The following EIPR1 variants were observed in gnomAD, a reference collection of about 807,000 sequenced individuals.
EIPR1 encodes EARP and GARP complex-interacting protein 1.
Under a neutral mutation model 48.1 loss-of-function variants are expected in EIPR1, and 25 were observed. That is an observed-to-expected ratio of 0.52 (90% CI 0.38 to 0.73). The LOEUF (loss-of-function observed/expected upper bound fraction) is 0.73, where lower values mean the gene tolerates loss of function less well. EIPR1 is among the 30% of genes least tolerant of loss of function. The probability of loss-of-function intolerance (pLI) is 0.00; values close to 1 mark genes in which losing one functional copy is unlikely to be tolerated. For synonymous variants in EIPR1, 204 were observed against 201.9 expected, an observed-to-expected ratio of 1.01 and a Z score of -0.09; for missense variants, 415 against 506.2, an observed-to-expected ratio of 0.82 and a Z score of 1.73.
chr2:3,375,270 A>G (rs1659836291), intron 1 of EIPR1, among the ~76,000 whole-genome samples: 1 of 149,776 alleles, frequency 6.7e-6, no homozygotes, highest in Admixed American at 6.7e-5. Context: ...TAGGAGATAT[A>G]CCTAATGCTG....
intron 4 of EIPR1, among the ~76,000 whole-genome samples, chr2:3,232,043 G>C (rs989739268): frequency 6.6e-6 from 1 of 151,890 alleles, no homozygotes; most frequent in Non-Finnish European, 1.5e-5. Flanking sequence ...TTTCTATTTC[G>C]TCTTTATTCA....
chr2:3,337,079 G>A (rs1223007730), intron 3 of EIPR1, among the ~76,000 whole-genome samples: 6 of 145,548 alleles, frequency 4.1e-5, no homozygotes, highest in Middle Eastern at 4.0e-3. Context: ...AGGGGGAAGG[G>A]AAGAGAAAAG....
At chr2:3,263,432 T>C (rs1667394405) in intron 3 of EIPR1, among the ~76,000 whole-genome samples, 1 of 152,224 alleles carries the variant, frequency 6.6e-6, no homozygotes, top group Admixed American at 6.5e-5. Context: ...AGTTTGCCTT[T>C]CTTGGCTGCA....
At chr2:3,242,113 C>G (rs565831741) in intron 4 of EIPR1, among the ~76,000 whole-genome samples, 3 of 152,202 alleles carry the variant, frequency 2.0e-5, no homozygotes, top group Non-Finnish European at 4.4e-5. Flanking sequence ...CTCGACACCA[C>G]GGACCAGGCA....
At chr2:3,318,928 G>A (rs1240429535) in intron 3 of EIPR1, 3 of 471,332 alleles carry the variant, frequency 6.4e-6, no homozygotes, top group African/African-American at 2.0e-5. Context: ...CTGAGCTACA[G>A]GAAGAATGCC....
intron 4 of EIPR1, among the ~76,000 whole-genome samples, chr2:3,243,717 G>C (rs1264320396): frequency 6.6e-6 from 1 of 152,152 alleles, no homozygotes; most frequent in East Asian, 1.9e-4. Context: ...CCATTTATCA[G>C]TGTGTAGGCA....
intron 5 of EIPR1, chr2:3,208,637 GTATGCTTGGCA>G: frequency 6.4e-7 from 1 of 1,550,626 alleles, no homozygotes; most frequent in Non-Finnish European, 8.7e-7. Flanking sequence ...TGGCATTCTG[GTATGCTTGGCA>G]TATGGCTGAC....
intron 3 of EIPR1, among the ~76,000 whole-genome samples, chr2:3,262,324 G>A (rs1445461525): frequency 6.6e-6 from 1 of 152,198 alleles, no homozygotes; most frequent in Non-Finnish European, 1.5e-5. Context: ...TGACAACGTA[G>A]GAGGAGCGTG....
At chr2:3,299,849 G>A (rs758667439) in intron 3 of EIPR1, among the ~76,000 whole-genome samples, 2 of 152,084 alleles carry the variant, frequency 1.3e-5, no homozygotes, top group Non-Finnish European at 2.9e-5. Context: ...AAAGGATCTC[G>A]TTCCCAGTCT....
intron 5 of EIPR1, among the ~76,000 whole-genome samples, chr2:3,200,432 G>A (rs11127385): frequency 3.3e-5 from 5 of 152,064 alleles, no homozygotes; most frequent in African/African-American, 9.7e-5. Flanking sequence ...TGTGCCAAGG[G>A]TGACTTACTG....
intron 3 of EIPR1, among the ~76,000 whole-genome samples, chr2:3,292,319 C>CG (rs1668393108): frequency 6.6e-6 from 1 of 152,186 alleles, no homozygotes; most frequent in African/African-American, 2.4e-5. Flanking sequence ...CAAAAAAGAC[C>CG]GTGAGCCCTA....
intron 3 of EIPR1, among the ~76,000 whole-genome samples, chr2:3,272,041 T>C (rs2103246548): frequency 6.6e-6 from 1 of 152,368 alleles, no homozygotes; most frequent in South Asian, 2.1e-4. Context: ...TCTTACGCTA[T>C]GGAGATGACC....
intron 2 of EIPR1, among the ~76,000 whole-genome samples, chr2:3,341,359 G>A (rs1670242085): frequency 6.6e-6 from 1 of 152,160 alleles, no homozygotes; most frequent in African/African-American, 2.4e-5. Flanking sequence ...GGGGTCTGCT[G>A]GGGTGTCCTT....
At chr2:3,295,444 C>G (rs1265284987) in intron 3 of EIPR1, among the ~76,000 whole-genome samples, 1 of 141,752 alleles carries the variant, frequency 7.1e-6, no homozygotes, top group African/African-American at 2.7e-5. Context: ...CACACACACC[C>G]TCCATCCAGC....
At position 3,220,391 on chromosome 2, in the gene EIPR1, C is replaced by G. The variant is rs924473572; in HGVS notation, c.417-6143G>C. On this transcript the variant is annotated intron_variant, in intron 4 of 8. Coordinates refer to ENST00000382125, the MANE Select transcript of EIPR1 (RefSeq NM_003310.5). ...TTATAGAGTCAAGTGCACGTGCACA[C>G]AATGGCTGTAGTACATTCTAGAGCA... 1.6e-4 allele frequency among the ~76,000 whole-genome samples: 25 copies of G among 151,578 alleles called. 1 individual carries two copies. Among genetic ancestry groups the G allele is most frequent in the Admixed American group, 1.4e-3 (21 of 15,210 alleles).
At chr2:3,302,995 G>C (rs538114602) in intron 3 of EIPR1, among the ~76,000 whole-genome samples, 2 of 152,172 alleles carry the variant, frequency 1.3e-5, no homozygotes, top group Admixed American at 6.5e-5. Context: ...AACTGAAATT[G>C]TGACTCAAGA....
intron 3 of EIPR1, among the ~76,000 whole-genome samples, chr2:3,318,172 G>C (rs1049388345): frequency 5.3e-5 from 8 of 152,254 alleles, no homozygotes; most frequent in Non-Finnish European, 1.2e-4. Context: ...CAGACCAGCA[G>C]GCCGCAGAAG....
chr2:3,347,678 T>C lies in EIPR1; in HGVS notation c.126+6872A>G, dbSNP rs77436996. On this transcript the variant is annotated intron_variant, in intron 2 of 8. Coordinates refer to ENST00000382125, the MANE Select transcript of EIPR1 (RefSeq NM_003310.5). ...GGAATATCAGAGAGCACTTTGTATG[T>C]TAGATCTGAACTTGAAAGCTGGAAA... 9.9e-3 allele frequency among the ~76,000 whole-genome samples: 1,504 copies of C among 152,336 alleles called. 165 individuals carry two copies. In the East Asian group the frequency reaches 0.23, roughly 24 times the overall value.
intron 3 of EIPR1, chr2:3,319,690 C>A: frequency 5.5e-6 from 1 of 183,298 alleles, no homozygotes; most frequent in Non-Finnish European, 1.1e-5. Context: ...CACCTGCGGG[C>A]AACACCACCC....
Sources: allele counts gnomAD v4.1 joint callset (sites outside exome capture counted in the v4.1 genomes callset), GRCh38; gene constraint gnomAD v4.1.1; transcripts MANE v1.5; gene names NCBI Gene and HGNC (gene_info 2026-07-23, HGNC 2026-07-21).